The following SESN1 variants were observed in gnomAD, a reference collection of about 807,000 sequenced individuals.
SESN1 encodes sestrin-1.
SESN1 carries 30 observed loss-of-function variants against 59.3 expected under a neutral mutation model. That is an observed-to-expected ratio of 0.51 (90% CI 0.38 to 0.69). The LOEUF is 0.69. Ranked by LOEUF, SESN1 falls within the 30% of genes least tolerant of loss-of-function variation. The pLI is 0.00. For missense variants in SESN1, 566 were observed against 673.0 expected, an observed-to-expected ratio of 0.84 and a Z score of 1.76; for synonymous variants, 197 against 219.9, an observed-to-expected ratio of 0.90 and a Z score of 0.92.
At chr6:109,017,079 G>C (rs988746348) in intron 1 of SESN1, among the ~76,000 whole-genome samples, 5 of 151,988 alleles carry the variant, frequency 3.3e-5, no homozygotes, top group Non-Finnish European at 7.4e-5. Flanking sequence ...CAGGCTAAAT[G>C]AAAGTTATAT....
rs1243220455 is a variant in SESN1 at position 108,986,107 on chromosome 6, G to C, written c.*1437C>G. Among the ~76,000 whole-genome samples the C allele has an allele frequency of 1.3e-5, 2 of 152,142 alleles. No homozygotes were observed. Among genetic ancestry groups the C allele is most frequent in the Non-Finnish European group, 2.9e-5 (2 of 68,030 alleles). On this transcript the variant is annotated 3_prime_UTR_variant, in exon 10 of 10. Transcript: ENST00000436639. ...ATCACAACAGCTTCAGTTAAACTTA[G>C]AGCTATTTCTACTTGTCTGATGAGT...
intron 1 of SESN1, among the ~76,000 whole-genome samples, chr6:109,017,897 G>A (rs1779952332): frequency 6.6e-6 from 1 of 152,112 alleles, no homozygotes. Context: ...GAGGCACAGT[G>A]GCTCAATGCC....
intron 1 of SESN1, among the ~76,000 whole-genome samples, chr6:109,041,063 A>T (rs1780332874): frequency 6.6e-6 from 1 of 151,786 alleles, no homozygotes; most frequent in South Asian, 2.1e-4. Context: ...CACTTTGGGA[A>T]GCTGAGGAAG....
chr6:109,025,229 T>C (rs1364537596), intron 1 of SESN1, among the ~76,000 whole-genome samples: 2 of 152,002 alleles, frequency 1.3e-5, no homozygotes, highest in Non-Finnish European at 2.9e-5. Context: ...GTGGAAGGGG[T>C]AAAATCTCCC....
chr6:109,001,433 A>T lies in SESN1; in HGVS notation c.401T>A (p.Phe134Tyr), dbSNP rs757353675. The change falls in exon 3 of 10, where the codon TTT (phenylalanine) becomes TAT (tyrosine). Residue 134 changes from phenylalanine (F) to tyrosine (Y), a missense_variant. By Grantham distance (22) the Phe-to-Tyr change is conservative. Coordinates refer to ENST00000436639, the MANE Select transcript of SESN1 (RefSeq NM_014454.3). The part of the protein sequence containing the change: ...AQMHALFADS[F>Y]AALGRLDNIT... The stretch of plus-strand genomic sequence containing the variant: ...GTTATCCAAACGGCCCAAAGCAGCA[A>T]AAGAATCTGCAAATAAAGCATGCAT... 6.2e-7 allele frequency: 1 copy of T among 1,613,940 alleles called. No individual in the cohort carries two copies. The highest frequency in any genetic ancestry group is 1.1e-5 in the South Asian group (1 of 91,076).
At chr6:109,047,367 C>A (rs1181936607) in intron 1 of SESN1, among the ~76,000 whole-genome samples, 2 of 137,610 alleles carry the variant, frequency 1.5e-5, no homozygotes, top group Admixed American at 6.9e-5. Flanking sequence ...CCCTGCCCGG[C>A]CAGCCGCCCC....
chr6:109,001,157 GA>G (rs2114306512), intron 3 of SESN1, 130 bp downstream of exon 3: 1 of 786,126 alleles, frequency 1.3e-6, no homozygotes, highest in African/African-American at 1.8e-5. Flanking sequence ...AGGAAAAACA[GA>G]GACTGTGCAA....
At chr6:109,052,437 T>C (rs1479850740) in intron 1 of SESN1, among the ~76,000 whole-genome samples, 1 of 152,224 alleles carries the variant, frequency 6.6e-6, no homozygotes, top group African/African-American at 2.4e-5. Flanking sequence ...ACTGCTATTA[T>C]AACACACTGG....
At chr6:109,044,370 G>C (rs1780390545) in intron 1 of SESN1, among the ~76,000 whole-genome samples, 1 of 136,370 alleles carries the variant, frequency 7.3e-6, no homozygotes, top group African/African-American at 2.8e-5. Flanking sequence ...CAATTCAATG[G>C]AGAAAGGAAG....
At chr6:109,073,491 C>T (rs368859795) in intron 1 of SESN1, among the ~76,000 whole-genome samples, 19 of 152,112 alleles carry the variant, frequency 1.2e-4, no homozygotes, top group African/African-American at 3.6e-4. Flanking sequence ...ATTGCAAACC[C>T]GTCTTCTCCT....
intron 1 of SESN1, among the ~76,000 whole-genome samples, chr6:109,055,674 A>AC (rs1300493416): frequency 2.0e-5 from 3 of 151,388 alleles, no homozygotes; most frequent in Non-Finnish European, 4.4e-5. Flanking sequence ...AAAAAAAAAA[A>AC]AAAAAAAAGA....
intron 1 of SESN1, among the ~76,000 whole-genome samples, chr6:109,063,548 T>TA (rs1372938179): frequency 6.6e-6 from 1 of 152,214 alleles, no homozygotes; most frequent in Non-Finnish European, 1.5e-5. Flanking sequence ...GAGAACTCAC[T>TA]ATCTTGCCAG....
intron 1 of SESN1, among the ~76,000 whole-genome samples, chr6:109,080,820 G>A (rs1781109389): frequency 6.6e-6 from 1 of 152,016 alleles, no homozygotes; most frequent in Non-Finnish European, 1.5e-5. Context: ...ATGCTCCAAA[G>A]TCTGAAACAT....
intron 3 of SESN1, 94 bp downstream of exon 3, chr6:109,001,194 C>G (rs1027522560): frequency 4.5e-5 from 46 of 1,016,450 alleles, no homozygotes; most frequent in Non-Finnish European, 3.6e-5. Flanking sequence ...ATATCATAAT[C>G]TAAGTATTTA....
At chr6:109,009,916 T>A (rs1054042759) in intron 1 of SESN1, among the ~76,000 whole-genome samples, 4 of 152,100 alleles carry the variant, frequency 2.6e-5, no homozygotes, top group Admixed American at 2.6e-4. Flanking sequence ...ACCTCGAGAC[T>A]GATTCTGACA....
chr6:109,090,627 A>T (rs184030821), intron 1 of SESN1: 2 of 152,350 alleles, frequency 1.3e-5, no homozygotes, highest in Admixed American at 1.3e-4. Context: ...AATCATGAAG[A>T]TCTTCATTCT....
chr6:109,045,188 C>T (rs1017225152), intron 1 of SESN1, among the ~76,000 whole-genome samples: 1 of 152,140 alleles, frequency 6.6e-6, no homozygotes, highest in Non-Finnish European at 1.5e-5. Flanking sequence ...CCTTACTAAC[C>T]TCTTGTCAAG....
intron 1 of SESN1, among the ~76,000 whole-genome samples, chr6:109,082,508 A>G (rs1781140572): frequency 6.6e-6 from 1 of 152,176 alleles, no homozygotes; most frequent in African/African-American, 2.4e-5. Context: ...ATTATCCTCC[A>G]ATGCTGTCCA....
At chr6:108,993,754 T>G (rs1779442234) in intron 6 of SESN1, among the ~76,000 whole-genome samples, 1 of 149,700 alleles carries the variant, frequency 6.7e-6, no homozygotes, top group South Asian at 2.1e-4. Context: ...TTTGTTGTTG[T>G]TTTTTTAGAG....
Sources: allele counts gnomAD v4.1 joint callset (sites outside exome capture counted in the v4.1 genomes callset), GRCh38; gene constraint gnomAD v4.1.1; transcripts MANE v1.5; gene names NCBI Gene and HGNC (gene_info 2026-07-23, HGNC 2026-07-21).